Variants in NCBP1 observed in about 807,000 individuals in gnomAD.
NCBP1 encodes nuclear cap-binding protein subunit 1.
NCBP1 carries 16 observed loss-of-function variants against 111.7 expected under a neutral mutation model. The observed-to-expected ratio is 0.14, with a 90% CI of 0.10 to 0.22. The LOEUF is 0.22. Ranked by LOEUF, NCBP1 falls within the 10% of genes least tolerant of loss-of-function variation. The pLI is 1.00. For synonymous variants in NCBP1, 304 were observed against 314.3 expected, an observed-to-expected ratio of 0.97 and a Z score of 0.35; for missense variants, 607 against 957.5, an observed-to-expected ratio of 0.63 and a Z score of 4.83.
Position 97,662,937 on chromosome 9 carries a change from C to G in NCBP1, c.1704-17C>G. Reference sequence around the variant, plus strand: ...GAATAAGTATATATGGTATTTTTTTCCCATCATTATCAAAAGGTTTCATGA... The same window carrying G: ...GAATAAGTATATATGGTATTTTTTTGCCATCATTATCAAAAGGTTTCATGA... On this transcript the variant is annotated splice_polypyrimidine_tract_variant and intron_variant, in intron 17 of 22. Transcript: ENST00000375147. The G allele has an allele frequency of 6.4e-7, 1 of 1,567,502 alleles. No homozygotes were observed. The highest frequency in any genetic ancestry group is 8.7e-7 in the Non-Finnish European group (1 of 1,148,976).
chr9:97,641,095 T>C (rs1388842300), intron 2 of NCBP1, among the ~76,000 whole-genome samples: 2 of 152,142 alleles, frequency 1.3e-5, no homozygotes, highest in African/African-American at 4.8e-5. Flanking sequence ...TCATAGAAGA[T>C]GAGCCCTTAG....
chr9:97,643,160 C>T, intron 3 of NCBP1, 44 bp from the exon 4 acceptor site: 1 of 1,528,372 alleles, frequency 6.5e-7, no homozygotes, highest in African/African-American at 1.4e-5. Flanking sequence ...CAACTTAACG[C>T]CATTGTTTTG....
At chr9:97,654,129 TAGAC>T (rs1231911388) in intron 11 of NCBP1, among the ~76,000 whole-genome samples, 1 of 152,160 alleles carries the variant, frequency 6.6e-6, no homozygotes, top group Non-Finnish European at 1.5e-5. Context: ...AGTTCAAAAA[TAGAC>T]AACAATAAAA....
chr9:97,641,792 C>T (rs1390417692), intron 3 of NCBP1, 130 bp downstream of exon 3: 11 of 1,026,230 alleles, frequency 1.1e-5, no homozygotes, highest in Non-Finnish European at 1.4e-5. Context: ...GAAATTTGTA[C>T]AAATGAGCCA....
chr9:97,637,592 T>C (rs1381557574), intron 1 of NCBP1, among the ~76,000 whole-genome samples: 2 of 151,928 alleles, frequency 1.3e-5, no homozygotes, highest in Non-Finnish European at 2.9e-5. Context: ...GGATTTGTTA[T>C]TTTGAGAGAG....
chr9:97,655,045 GT>G (rs112228896), intron 12 of NCBP1, 101 bp downstream of exon 12: 4 of 1,054,006 alleles, frequency 3.8e-6, no homozygotes, highest in South Asian at 1.9e-5. Flanking sequence ...TCCATGTTTA[GT>G]TTTTTTCTTG....
chr9:97,653,835 C>T lies in NCBP1; in HGVS notation c.1097C>T (p.Pro366Leu). Residue 366 changes from proline to leucine, a missense_variant, in exon 11 of 23, where the codon CCT (proline) becomes CTT (leucine). Coordinates refer to ENST00000375147, the MANE Select transcript of NCBP1 (RefSeq NM_002486.5). ...GAGCTGTTTCAACTTCCAGCACCCCCTCACATTGATGTGATGTACACAACA... is the reference window on the plus strand; with the variant it reads ...GAGCTGTTTCAACTTCCAGCACCCCTTCACATTGATGTGATGTACACAACA... The part of the protein sequence containing the change: ...FAELFQLPAP[P>L]HIDVMYTTLL... The T allele has an allele frequency of 1.2e-6, 2 of 1,614,092 alleles. No homozygotes were observed. The highest frequency in any genetic ancestry group is 1.7e-4 in the Middle Eastern group (1 of 6,060).
In NCBP1 at chr9:97,643,312, A is replaced by T; in HGVS notation, c.333A>T (p.Gln111His). The T allele has an allele frequency of 6.2e-7, 1 of 1,605,980 alleles. No individual in the cohort carries two copies. Among genetic ancestry groups the T allele is most frequent in the Non-Finnish European group, 8.5e-7 (1 of 1,177,822 alleles). The change falls in exon 4 of 23, where the codon CAA becomes CAT. Residue 111 changes from glutamine to histidine, a missense_variant. Transcript: ENST00000375147. ...GGEFVEAMIR[Q>H]LKESLKANNY... ...AATTTGTAGAAGCCATGATTCGTCA[A>T]CTTAAAGAATCATTGAAAGCAAACA...
chr9:97,668,066 TG>T (rs1828062732), intron 20 of NCBP1, among the ~76,000 whole-genome samples: 1 of 152,166 alleles, frequency 6.6e-6, no homozygotes, highest in Non-Finnish European at 1.5e-5. Flanking sequence ...GATCAGTAGA[TG>T]GGGCCTTAGC....
intron 8 of NCBP1, 102 bp downstream of exon 8, chr9:97,648,325 T>G: frequency 9.4e-7 from 1 of 1,061,684 alleles, no homozygotes; most frequent in Non-Finnish European, 1.4e-6. Context: ...AATTTTGAGT[T>G]GTTTTTATCT....
At chr9:97,666,099 T>C (rs1827995386) in intron 19 of NCBP1, among the ~76,000 whole-genome samples, 1 of 152,228 alleles carries the variant, frequency 6.6e-6, no homozygotes, top group Non-Finnish European at 1.5e-5. Flanking sequence ...TGTACTATTC[T>C]GTGCTGGGTT....
intron 18 of NCBP1, 60 bp downstream of exon 18, chr9:97,663,107 C>A: frequency 1.6e-6 from 2 of 1,237,400 alleles, no homozygotes; most frequent in Non-Finnish European, 2.3e-6. Flanking sequence ...AAAATAAGGC[C>A]GTTAATTGCC....
At chr9:97,640,186 T>C (rs1827167245) in intron 1 of NCBP1, among the ~76,000 whole-genome samples, 1 of 152,170 alleles carries the variant, frequency 6.6e-6, no homozygotes, top group Non-Finnish European at 1.5e-5. Flanking sequence ...GACTTGAGAT[T>C]AGAGCTTAGA....
intron 8 of NCBP1, among the ~76,000 whole-genome samples, chr9:97,649,679 A>G (rs1827444622): frequency 6.6e-6 from 1 of 152,066 alleles, no homozygotes; most frequent in Non-Finnish European, 1.5e-5. Context: ...TGATCTACTT[A>G]GATATGTCTA....
chr9:97,643,348 A>G lies in NCBP1; in HGVS notation c.369A>G (p.Glu123=). Residue 123 remains glutamate (E), a synonymous_variant, in exon 4 of 23, where the codon GAA becomes GAG. Transcript: ENST00000375147. The part of the protein sequence containing the change: ...KESLKANNYN[E]AVYLVRFLSD... ...CATTGAAAGCAAACAATTATAATGA[A>G]GCCGTGTATTTGGTAAGTTAGTTTG... 1 of 1,598,082 alleles carries G rather than the reference A, an allele frequency of 6.3e-7. No homozygotes were observed. The highest frequency in any genetic ancestry group is 8.5e-7 in the Non-Finnish European group (1 of 1,174,830).
intron 1 of NCBP1, among the ~76,000 whole-genome samples, chr9:97,639,111 C>T (rs1271847300): frequency 6.6e-6 from 1 of 152,172 alleles, no homozygotes; most frequent in Non-Finnish European, 1.5e-5. Context: ...CAACTTTACA[C>T]AGGCAGATAT....
At chr9:97,641,711 T>C in intron 3 of NCBP1, 49 bp downstream of exon 3, 1 of 1,470,550 alleles carries the variant, frequency 6.8e-7, no homozygotes, top group Non-Finnish European at 9.2e-7. Flanking sequence ...TATTATCTAC[T>C]CTTAAATGCT....
intron 14 of NCBP1, among the ~76,000 whole-genome samples, chr9:97,657,088 C>CT (rs1339647424): frequency 6.6e-6 from 1 of 152,216 alleles, no homozygotes; most frequent in Non-Finnish European, 1.5e-5. Flanking sequence ...CTGCCTCAGC[C>CT]TCCTGGTAGC....
rs748332872 is a variant in NCBP1 at position 97,653,783 on chromosome 9, A to G, written c.1060-15A>G. 14 of 1,599,710 alleles carry G rather than the reference A, an allele frequency of 8.8e-6. No homozygotes were observed. Among genetic ancestry groups the G allele is most frequent in the Admixed American group, 1.7e-5 (1 of 59,580 alleles). On this transcript the variant is annotated splice_polypyrimidine_tract_variant and intron_variant, in intron 10 of 22. Transcript: ENST00000375147. ...TAGCAGTTGGATTGAATTGTGACTC[A>G]TGATTCTTTTGTAGGTGATCTTTGC...
Sources: gnomAD v4.1 joint callset for allele counts (sites outside exome capture counted in the v4.1 genomes callset) on GRCh38, gnomAD v4.1.1 for gene constraint, MANE v1.5 for transcripts, NCBI Gene and HGNC (gene_info 2026-07-23, HGNC 2026-07-21) for gene names.